Variants in IL23R observed in about 807,000 individuals in gnomAD.
The protein encoded by IL23R is interleukin 23 receptor, also known as interleukin-23 receptor.
A neutral mutation model predicts 56.9 loss-of-function variants in IL23R; 34 were observed. The observed-to-expected ratio is 0.60, with a 90% CI of 0.45 to 0.80. IL23R has a LOEUF of 0.80. Among genes scored for constraint, IL23R ranks in the 30% least tolerant of loss-of-function variants. The pLI is 0.00. For missense variants in IL23R, 635 were observed against 730.0 expected (o/e 0.87, Z 1.50); for synonymous variants, 230 against 249.2 (o/e 0.92, Z 0.73).
chr1:67,264,383 T>A (rs1307618100), downstream of IL23R, among the ~76,000 whole-genome samples: 1 of 152,240 alleles, frequency 6.6e-6, no homozygotes, highest in Non-Finnish European at 1.5e-5. Flanking sequence ...TGCTGTGGTT[T>A]ATCTCTTTAT....
chr1:67,176,085 G>C (rs1558226956), intron 3 of IL23R, among the ~76,000 whole-genome samples: 1 of 152,298 alleles, frequency 6.6e-6, no homozygotes, highest in East Asian at 1.9e-4. Flanking sequence ...ACCAGAGATG[G>C]GGTCTGTTGA....
intron 6 of IL23R, among the ~76,000 whole-genome samples, chr1:67,208,274 G>A (rs541973732): frequency 1.3e-5 from 2 of 149,888 alleles, no homozygotes; most frequent in South Asian, 2.1e-4. Flanking sequence ...AACCCATTCT[G>A]GGGGGGAGAA....
chr1:67,254,157 C>G (rs1652812322), intron 9 of IL23R, among the ~76,000 whole-genome samples: 1 of 152,074 alleles, frequency 6.6e-6, no homozygotes, highest in South Asian at 2.1e-4. Flanking sequence ...CAACCTCCAT[C>G]TCCTGGGTTC....
upstream of IL23R, among the ~76,000 whole-genome samples, chr1:67,161,777 G>C (rs180878195): frequency 6.4e-3 from 968 of 151,886 alleles, 3 homozygotes; most frequent in Middle Eastern, 0.017. Flanking sequence ...ACAGACATGA[G>C]CCAACACGCC....
intron 10 of IL23R, among the ~76,000 whole-genome samples, chr1:67,257,642 C>T (rs1201645462): frequency 6.6e-6 from 1 of 152,168 alleles, no homozygotes; most frequent in Non-Finnish European, 1.5e-5. Context: ...CAGGCTAAAA[C>T]CTTCACCCAC....
At chr1:67,229,039 C>T (rs771106545) in intron 7 of IL23R, among the ~76,000 whole-genome samples, 1 of 152,192 alleles carries the variant, frequency 6.6e-6, no homozygotes, top group Non-Finnish European at 1.5e-5. Flanking sequence ...CCCTCAGCAA[C>T]AAATTATCTG....
chr1:67,180,442 C>T (rs1411007244), intron 3 of IL23R, among the ~76,000 whole-genome samples: 1 of 151,750 alleles, frequency 6.6e-6, no homozygotes, highest in Admixed American at 6.6e-5. Context: ...GGATTGCAAC[C>T]CCTGCCTTTT....
chr1:67,140,500 AATAAAAT>A (rs1208414647), intron 1 of IL23R, among the ~76,000 whole-genome samples: 1 of 152,204 alleles, frequency 6.6e-6, no homozygotes, highest in South Asian at 2.1e-4. Flanking sequence ...ACATTAAGCC[AATAAAAT>A]ATAATCTTTT....
intron 7 of IL23R, among the ~76,000 whole-genome samples, chr1:67,226,565 CTCTG>C (rs1490515204): frequency 2.0e-5 from 3 of 152,180 alleles, no homozygotes; most frequent in African/African-American, 7.2e-5. Flanking sequence ...CTATTTATCT[CTCTG>C]TCTGCTTCTG....
chr1:67,226,513 C>T lies in IL23R; in HGVS notation c.955+6783C>T, dbSNP rs1650629058. Among the ~76,000 whole-genome samples, 5 of 152,360 alleles carry T rather than the reference C, an allele frequency of 3.3e-5. No homozygotes were observed. The South Asian group carries it at 1.0e-3, about 32-fold the overall frequency. On this transcript the variant is annotated intron_variant, in intron 7 of 10. Coordinates refer to ENST00000347310, the MANE Select transcript of IL23R (RefSeq NM_144701.3). The stretch of plus-strand genomic sequence containing the variant: ...TCAGCATTCAGATGCTCCTTTTCTT[C>T]TGTCCTTCTCTGCCGAGCCATTCTG...
upstream of IL23R, among the ~76,000 whole-genome samples, chr1:67,163,573 G>T (rs138468113): frequency 1.5e-4 from 23 of 151,788 alleles, 3 homozygotes; most frequent in East Asian, 3.3e-3. Flanking sequence ...GAGGTGTTTG[G>T]ATCATGTGGG....
intron 7 of IL23R, among the ~76,000 whole-genome samples, chr1:67,220,377 A>G (rs943380836): frequency 1.3e-5 from 2 of 151,988 alleles, no homozygotes; most frequent in Admixed American, 6.5e-5. Flanking sequence ...TCAAAAAAAA[A>G]TAAAAATAAA....
At chr1:67,199,613 C>T (rs561237065) in intron 4 of IL23R, among the ~76,000 whole-genome samples, 46 of 151,954 alleles carry the variant, frequency 3.0e-4, no homozygotes, top group African/African-American at 1.1e-3. Context: ...CTGTTATGTT[C>T]ATGTATATGC....
intron 1 of IL23R, among the ~76,000 whole-genome samples, chr1:67,149,671 T>C (rs942545904): frequency 6.6e-6 from 1 of 152,198 alleles, no homozygotes; most frequent in Non-Finnish European, 1.5e-5. Flanking sequence ...CCATATGTAC[T>C]CTAAGCTACC....
chr1:67,179,537 T>C (rs1410888806), intron 3 of IL23R, among the ~76,000 whole-genome samples: 2 of 152,218 alleles, frequency 1.3e-5, no homozygotes, highest in Non-Finnish European at 2.9e-5. Flanking sequence ...GCTAGTGGTC[T>C]ATCAATTTTG....
chr1:67,169,513 A>G lies in IL23R; in HGVS notation c.242A>G (p.Asn81Ser), dbSNP rs1646915308. The G allele has an allele frequency of 1.9e-6, 3 of 1,614,102 alleles. 1 individual carries two copies. The East Asian group carries it at 6.7e-5, about 36-fold the overall frequency. ...GAAAGATTTCAAATCACAAGGATTA[A>G]TAAAACAACAGCTCGGCTTTGGTAT... is the stretch of plus-strand genomic sequence containing the variant. ...IKERFQITRI[N>S]KTTARLWYKN... Residue 81 changes from asparagine to serine, a missense_variant, in exon 3 of 11, where the codon AAT (asparagine) becomes AGT (serine). Asn to Ser is a conservative substitution (Grantham distance 46, BLOSUM62 1). Transcript: ENST00000347310.
At chr1:67,255,749 G>T in intron 9 of IL23R, 88 bp from the exon 10 acceptor site, 1 of 740,226 alleles carries the variant, frequency 1.4e-6, no homozygotes. Context: ...TAGGAAATTT[G>T]ATTTTTAATA....
upstream of IL23R, among the ~76,000 whole-genome samples, chr1:67,162,997 G>A (rs746822858): frequency 4.3e-4 from 65 of 152,172 alleles, no homozygotes; most frequent in Non-Finnish European, 6.8e-4. Context: ...ACTTACTGGC[G>A]TTGTAAAGTC....
chr1:67,206,045 C>T (rs1042098488), intron 5 of IL23R, among the ~76,000 whole-genome samples: 1 of 151,030 alleles, frequency 6.6e-6, no homozygotes, highest in Non-Finnish European at 1.5e-5. Flanking sequence ...CAGAGTCTCG[C>T]TCCGCCACCC....
Sources: allele counts gnomAD v4.1 joint callset (sites outside exome capture counted in the v4.1 genomes callset), GRCh38; gene constraint gnomAD v4.1.1; transcripts MANE v1.5; gene names NCBI Gene and HGNC (gene_info 2026-07-23, HGNC 2026-07-21).